The following NCAM2 variants were observed in gnomAD, a reference collection of about 807,000 sequenced individuals.
NCAM2 encodes the protein N-CAM-2.
A neutral mutation model predicts 98.1 loss-of-function variants in NCAM2; 30 were observed. That is an observed-to-expected ratio of 0.31 (90% confidence interval 0.23 to 0.41). The LOEUF (loss-of-function observed/expected upper bound fraction) is 0.41, where lower values mean the gene tolerates loss of function less well. NCAM2 is among the 10% of genes least tolerant of loss of function. NCAM2 has a pLI of 1.00. For missense variants in NCAM2, 867 were observed against 1,005.8 expected (o/e 0.86, Z 1.87); for synonymous variants, 368 against 342.4 (o/e 1.07, Z -0.83).
chr21:21,108,406 A>G (rs544309536), intron 1 of NCAM2, among the ~76,000 whole-genome samples: 11 of 152,200 alleles, frequency 7.2e-5, no homozygotes, highest in African/African-American at 1.9e-4. Flanking sequence ...GGCACTTTCA[A>G]TTTTGAAGCT....
intron 8 of NCAM2, among the ~76,000 whole-genome samples, chr21:21,349,420 A>G (rs958174932): frequency 6.6e-6 from 1 of 152,158 alleles, no homozygotes; most frequent in African/African-American, 2.4e-5. Context: ...TCCAGAAACT[A>G]TGCAATAAGA....
Position 21,123,985 on chromosome 21 carries a change from C to G in NCAM2, c.55+125367C>G, listed in dbSNP as rs796194057. Among the ~76,000 whole-genome samples, 6 of 151,328 alleles carry G rather than the reference C, an allele frequency of 4.0e-5. 1 individual carries two copies. The highest frequency in any genetic ancestry group is 1.5e-4 in the African/African-American group (6 of 41,312). On this transcript the variant is annotated intron_variant, in intron 1 of 17. Coordinates refer to ENST00000400546, the MANE Select transcript of NCAM2 (RefSeq NM_004540.5). ...GCCTCAGCCTCCCGAGTAGCTGGGA[C>G]TGTAGGCGCCCGCCAGCACGCCCAG...
At chr21:21,394,582 G>A (rs182898302) in intron 9 of NCAM2, among the ~76,000 whole-genome samples, 3,534 of 136,874 alleles carry the variant, frequency 0.026, 76 homozygotes, top group Non-Finnish European at 0.038. Flanking sequence ...TCCGCCTCCC[G>A]GGTTCACGCC....
intron 1 of NCAM2, among the ~76,000 whole-genome samples, chr21:21,278,495 G>T (rs942375169): frequency 1.3e-5 from 2 of 152,144 alleles, no homozygotes; most frequent in African/African-American, 4.8e-5. Flanking sequence ...GAAAAAGAGA[G>T]TACCTAAAAT....
At chr21:21,260,299 A>T (rs1014937227) in intron 1 of NCAM2, among the ~76,000 whole-genome samples, 1 of 151,862 alleles carries the variant, frequency 6.6e-6, no homozygotes, top group Non-Finnish European at 1.5e-5. Flanking sequence ...TCCAAAAAAA[A>T]TTCCTAATCT....
Position 21,486,303 on chromosome 21 carries a change from CAAAAAAAAAAA to C in NCAM2, c.2077+8847_2077+8857del, listed in dbSNP as rs67182493. 1.7e-4 allele frequency among the ~76,000 whole-genome samples: 9 copies of C among 52,264 alleles called. 1 individual carries two copies. The highest frequency in any genetic ancestry group is 8.2e-4 in the East Asian group (1 of 1,222). 34.3% of individuals were successfully genotyped at this position (52,264 alleles called of 152,430 possible). ...TGGGCAACAGAGCGAGACTCCGTCTCAAAAAAAAAAAAAAAAAAAAAAAAACTTCTGCTTCC... is the reference window on the plus strand; with the variant it reads ...TGGGCAACAGAGCGAGACTCCGTCTCAAAAAAAAAAAAAACTTCTGCTTCC... On this transcript the variant is annotated intron_variant, in intron 15 of 17. Coordinates refer to ENST00000400546, the MANE Select transcript of NCAM2 (RefSeq NM_004540.5).
At chr21:21,235,271 C>T (rs939260714) in intron 1 of NCAM2, among the ~76,000 whole-genome samples, 1 of 151,844 alleles carries the variant, frequency 6.6e-6, no homozygotes, top group Non-Finnish European at 1.5e-5. Context: ...AAATGAGTTA[C>T]ATTTTATATT....
chr21:21,426,094 C>T (rs1285443501), intron 11 of NCAM2, among the ~76,000 whole-genome samples: 1 of 152,070 alleles, frequency 6.6e-6, no homozygotes, highest in South Asian at 2.1e-4. Flanking sequence ...TATGGAGGCA[C>T]TAATCTTATT....
intron 5 of NCAM2, among the ~76,000 whole-genome samples, chr21:21,292,604 TAC>T (rs1250354318): frequency 2.0e-5 from 3 of 151,992 alleles, no homozygotes; most frequent in Non-Finnish European, 4.4e-5. Context: ...TATTTTACTC[TAC>T]ATGTTTCTCA....
At chr21:21,323,458 T>C (rs1418946531) in intron 5 of NCAM2, among the ~76,000 whole-genome samples, 1 of 152,188 alleles carries the variant, frequency 6.6e-6, no homozygotes, top group African/African-American at 2.4e-5. Context: ...ATCACACTTG[T>C]AAATGCCTGT....
rs559317218 is a variant in NCAM2 at position 21,386,912 on chromosome 21, A to G, written c.1195+12899A>G. Among the ~76,000 whole-genome samples, 11 of 152,282 alleles carry G rather than the reference A, an allele frequency of 7.2e-5. No individual in the cohort carries two copies. The South Asian group carries it at 2.3e-3, about 32-fold the overall frequency. On this transcript the variant is annotated intron_variant, in intron 9 of 17. Transcript: ENST00000400546. The stretch of plus-strand genomic sequence containing the variant: ...CGTCTGTTTAACAGTCAGAAATACT[A>G]AAGTCTACTTGAATCTTACCCTTGC...
rs1306812967 is a variant in NCAM2 at position 21,470,221 on chromosome 21, A to G, written c.1896+1438A>G. On this transcript the variant is annotated intron_variant, in intron 14 of 17. Transcript: ENST00000400546. Reference sequence around the variant, plus strand: ...CTATTTAGAGCAAAGCAGAGTCACAAATGGAAATAATGACATTTTAGACAG... The same window carrying G: ...CTATTTAGAGCAAAGCAGAGTCACAGATGGAAATAATGACATTTTAGACAG... 2.6e-5 allele frequency among the ~76,000 whole-genome samples: 4 copies of G among 152,064 alleles called. No homozygotes were observed. The East Asian group carries it at 5.8e-4, about 22-fold the overall frequency.
chr21:21,343,375 A>ACACACACACACT, intron 8 of NCAM2, among the ~76,000 whole-genome samples: 1 of 151,562 alleles, frequency 6.6e-6, no homozygotes, highest in African/African-American at 2.4e-5. Flanking sequence ...ACACACACAC[A>ACACACACACACT]CACACACACA....
At chr21:21,214,827 T>C (rs1194857699) in intron 1 of NCAM2, among the ~76,000 whole-genome samples, 1 of 148,666 alleles carries the variant, frequency 6.7e-6, no homozygotes, top group African/African-American at 2.5e-5. Context: ...AATATATGTA[T>C]ATATATGTGT....
At position 21,128,429 on chromosome 21, in the gene NCAM2, G is replaced by T. The variant is rs928553039; in HGVS notation, c.55+129811G>T. ...ATTGGCATACAAATGAGCAGAGAGGGTGACTGATGTAGTGAACTCTGCATT... is the reference window on the plus strand; with the variant it reads ...ATTGGCATACAAATGAGCAGAGAGGTTGACTGATGTAGTGAACTCTGCATT... On this transcript the variant is annotated intron_variant, in intron 1 of 17. Transcript: ENST00000400546. Among the ~76,000 whole-genome samples, 4 of 152,226 alleles carry T rather than the reference G, an allele frequency of 2.6e-5. No homozygotes were observed. In the South Asian group the frequency reaches 8.3e-4, roughly 32 times the overall value.
intron 15 of NCAM2, among the ~76,000 whole-genome samples, chr21:21,499,623 T>A (rs1452315439): frequency 1.3e-5 from 2 of 151,228 alleles, no homozygotes; most frequent in African/African-American, 4.9e-5. Context: ...AGTTCTAGTT[T>A]AAAAAAAAAT....
At chr21:21,391,147 G>A (rs905868614) in intron 9 of NCAM2, among the ~76,000 whole-genome samples, 2 of 152,046 alleles carry the variant, frequency 1.3e-5, no homozygotes, top group East Asian at 1.9e-4. Flanking sequence ...GAACACAGAC[G>A]TTCAAGACCA....
intron 11 of NCAM2, among the ~76,000 whole-genome samples, chr21:21,431,644 G>T (rs9974313): frequency 0.28 from 41,999 of 151,738 alleles, 6,003 homozygotes; most frequent in East Asian, 0.48. Context: ...TACAATTTAG[G>T]AATATAATTG....
chr21:21,297,121 G>A (rs1224307423), intron 5 of NCAM2, among the ~76,000 whole-genome samples: 1 of 151,760 alleles, frequency 6.6e-6, no homozygotes, highest in African/African-American at 2.4e-5. Context: ...ATAGGATGTT[G>A]TTGAGGCTTT....
Sources: gnomAD v4.1 joint callset for allele counts (sites outside exome capture counted in the v4.1 genomes callset) on GRCh38, gnomAD v4.1.1 for gene constraint, MANE v1.5 for transcripts, NCBI Gene and HGNC (gene_info 2026-07-23, HGNC 2026-07-21) for gene names.